The following PTPN11 variants were observed in gnomAD, a reference collection of about 807,000 sequenced individuals.
PTPN11 encodes tyrosine-protein phosphatase non-receptor type 11.
Under a neutral mutation model 78.8 loss-of-function variants are expected in PTPN11, and 6 were observed. That is an observed-to-expected ratio of 0.08 (90% CI 0.04 to 0.15). PTPN11 has a LOEUF of 0.15. PTPN11 is among the 10% of genes least tolerant of loss of function. The pLI, the probability that PTPN11 is intolerant of heterozygous loss-of-function variation, is 1.00. For synonymous variants in PTPN11, 221 were observed against 263.5 expected (o/e 0.84, Z 1.56); for missense variants, 386 against 744.8 (o/e 0.52, Z 5.61).
intron 13 of PTPN11, among the ~76,000 whole-genome samples, chr12:112,494,870 T>G (rs1235265087): frequency 4.6e-5 from 7 of 152,186 alleles, no homozygotes; most frequent in Admixed American, 4.6e-4. Context: ...TTTTTCACTT[T>G]TCATTCAACA....
At chr12:112,465,482 T>A (rs1411727187) in intron 6 of PTPN11, among the ~76,000 whole-genome samples, 1 of 151,738 alleles carries the variant, frequency 6.6e-6, no homozygotes, top group Non-Finnish European at 1.5e-5. Context: ...TTGAGTCCTA[T>A]AGGCCTGAGC....
chr12:112,464,690 G>T (rs1327027923), intron 6 of PTPN11, among the ~76,000 whole-genome samples: 1 of 152,026 alleles, frequency 6.6e-6, no homozygotes, highest in African/African-American at 2.4e-5. Flanking sequence ...CTCTGAAAGT[G>T]TTGGGATTAC....
At chr12:112,499,590 T>C (rs932084114) in intron 13 of PTPN11, among the ~76,000 whole-genome samples, 2 of 152,026 alleles carry the variant, frequency 1.3e-5, no homozygotes, top group African/African-American at 2.4e-5. Context: ...CCACCTGCCT[T>C]GGCCTCTCAA....
At chr12:112,442,095 G>C (rs185749820) in intron 1 of PTPN11, among the ~76,000 whole-genome samples, 3 of 152,214 alleles carry the variant, frequency 2.0e-5, no homozygotes. Flanking sequence ...CTTTTTGCTG[G>C]TAACTAGAGA....
At chr12:112,469,425 T>C (rs910766600) in intron 6 of PTPN11, among the ~76,000 whole-genome samples, 4 of 152,176 alleles carry the variant, frequency 2.6e-5, no homozygotes, top group Admixed American at 2.6e-4. Context: ...TAATATTTCA[T>C]TTTTGTTATA....
intron 5 of PTPN11, chr12:112,454,923 G>A (rs1241987562): frequency 2.3e-5 from 12 of 513,922 alleles, no homozygotes; most frequent in Admixed American, 1.4e-4. Context: ...GGGTTCAAGC[G>A]ATTCTCCTGC....
chr12:112,425,686 C>G (rs576384936), intron 1 of PTPN11, among the ~76,000 whole-genome samples: 6 of 152,144 alleles, frequency 3.9e-5, no homozygotes, highest in African/African-American at 1.4e-4. Context: ...TCCCTCAAAC[C>G]CCTCCCACCC....
intron 12 of PTPN11, 66 bp downstream of exon 12, chr12:112,488,576 G>A (rs1258209237): frequency 1.4e-5 from 21 of 1,475,058 alleles, no homozygotes; most frequent in African/African-American, 9.7e-5. Flanking sequence ...AAGTGCTCAC[G>A]AAAACAGTCT....
chr12:112,502,914 G>A (rs1203893772), intron 14 of PTPN11, among the ~76,000 whole-genome samples: 5 of 152,174 alleles, frequency 3.3e-5, no homozygotes, highest in Non-Finnish European at 5.9e-5. Flanking sequence ...TCTTAATGAT[G>A]TGTTAAGGCT....
intron 5 of PTPN11, among the ~76,000 whole-genome samples, chr12:112,455,067 G>A (rs868808780): frequency 6.6e-6 from 1 of 151,724 alleles, no homozygotes; most frequent in Non-Finnish European, 1.5e-5. Context: ...TTTTCTGCCC[G>A]CCTTGGCCTC....
Position 112,482,797 on chromosome 12 carries a change from A to G in PTPN11, c.1224+592A>G, listed in dbSNP as rs2135907741. ...TTGTTTGGCTTTTGGAGGAGGAAGG[A>G]GGGATTCAAGACACATTGTAGAGGT... On this transcript the variant is annotated intron_variant, in intron 10 of 15. Coordinates refer to ENST00000351677, the MANE Select transcript of PTPN11 (RefSeq NM_002834.5). The surrounding 1 kb of genome is among the most constrained non-coding windows in gnomAD (Gnocchi z 4.4). Among the ~76,000 whole-genome samples, 1 of 152,266 alleles carries G rather than the reference A, an allele frequency of 6.6e-6. No individual in the cohort carries two copies. Among genetic ancestry groups the G allele is most frequent in the Admixed American group, 6.5e-5 (1 of 15,284 alleles).
At chr12:112,419,445 C>T (rs1274037653) in intron 1 of PTPN11, among the ~76,000 whole-genome samples, 5 of 152,220 alleles carry the variant, frequency 3.3e-5, no homozygotes, top group Non-Finnish European at 7.3e-5. Flanking sequence ...CGCCGCATTC[C>T]TGACCCATTG....
At chr12:112,472,812 T>G (rs975233099) in intron 6 of PTPN11, 132 bp from the exon 7 acceptor site, 46 of 831,450 alleles carry the variant, frequency 5.5e-5, no homozygotes, top group Non-Finnish European at 9.0e-5. Flanking sequence ...AGATGAACAT[T>G]CTTGTAGCTA....
intron 10 of PTPN11, among the ~76,000 whole-genome samples, chr12:112,484,704 G>A (rs76907796): frequency 0.019 from 2,956 of 152,044 alleles, 48 homozygotes; most frequent in Admixed American, 0.033. Flanking sequence ...GAGAGGAACT[G>A]GAACAATGTA....
In PTPN11 at chr12:112,418,978, T is replaced by A; in HGVS notation, c.-134T>A. ...CGGGATCCCCAGGCCTGGAGGGGGGTCTGTGCGCGGCCGGCTGGCTCTGCC... is the reference window on the plus strand; with the variant it reads ...CGGGATCCCCAGGCCTGGAGGGGGGACTGTGCGCGGCCGGCTGGCTCTGCC... On this transcript the variant is annotated 5_prime_UTR_variant, in exon 1 of 16. Coordinates refer to ENST00000351677, the MANE Select transcript of PTPN11 (RefSeq NM_002834.5). 9.2e-7 allele frequency: 1 copy of A among 1,087,974 alleles called. No homozygotes were observed. Among genetic ancestry groups the A allele is most frequent in the Non-Finnish European group, 1.3e-6 (1 of 750,820 alleles). 67.4% of individuals were successfully genotyped at this position (1,087,974 alleles called of 1,614,324 possible).
chr12:112,429,376 T>C (rs2037674519), intron 1 of PTPN11, among the ~76,000 whole-genome samples: 1 of 152,134 alleles, frequency 6.6e-6, no homozygotes, highest in Non-Finnish European at 1.5e-5. Context: ...ATACAGTTTA[T>C]GTAATAAAAG....
intron 6 of PTPN11, among the ~76,000 whole-genome samples, chr12:112,458,418 C>G (rs1295840737): frequency 6.6e-6 from 1 of 152,160 alleles, no homozygotes; most frequent in Non-Finnish European, 1.5e-5. Context: ...CTGTGTTACT[C>G]AGGTTGGTCT....
intron 1 of PTPN11, among the ~76,000 whole-genome samples, chr12:112,422,571 G>A (rs1303384548): frequency 6.6e-6 from 1 of 152,182 alleles, no homozygotes; most frequent in African/African-American, 2.4e-5. Context: ...GAGGCTTTTG[G>A]TTTATCTCTT....
At chr12:112,470,342 C>T (rs764043828) in intron 6 of PTPN11, among the ~76,000 whole-genome samples, 5 of 152,176 alleles carry the variant, frequency 3.3e-5, no homozygotes, top group Non-Finnish European at 4.4e-5. Context: ...TTGTATGTCA[C>T]GCACTGTATA....
Sources: gnomAD v4.1 joint callset for allele counts (sites outside exome capture counted in the v4.1 genomes callset) on GRCh38, gnomAD v4.1.1 for gene constraint, Gnocchi (gnomAD v3.1) non-coding constraint, MANE v1.5 for transcripts, NCBI Gene and HGNC (gene_info 2026-07-23, HGNC 2026-07-21) for gene names.